The following CTNND2 variants were observed in gnomAD, a reference collection of about 807,000 sequenced individuals.
CTNND2 encodes catenin delta-2.
In CTNND2, 22 loss-of-function variants were observed where a neutral mutation model predicts 144.4. That is an observed-to-expected ratio of 0.15 (90% CI 0.11 to 0.22). The LOEUF is 0.22. CTNND2 is among the 10% of genes least tolerant of loss of function. CTNND2 has a pLI of 1.00. For synonymous variants in CTNND2, 751 were observed against 695.6 expected (o/e 1.08, Z -1.25); for missense variants, 1,353 against 1,618.8 (o/e 0.84, Z 2.82).
chr5:11,495,778 A>C (rs1769875353), intron 3 of CTNND2, among the ~76,000 whole-genome samples: 1 of 152,188 alleles, frequency 6.6e-6, no homozygotes, highest in South Asian at 2.1e-4. Context: ...TTTGCAACAG[A>C]AAATCACCGA....
intron 9 of CTNND2, among the ~76,000 whole-genome samples, chr5:11,310,191 G>A (rs997337956): frequency 6.6e-6 from 1 of 152,058 alleles, no homozygotes; most frequent in Non-Finnish European, 1.5e-5. Flanking sequence ...AGTGGCTAGG[G>A]AGAAATAAAT....
chr5:11,470,806 A>T (rs1374389235), intron 3 of CTNND2, among the ~76,000 whole-genome samples: 1 of 151,770 alleles, frequency 6.6e-6, no homozygotes, highest in East Asian at 1.9e-4. Context: ...TTTTCTCGTG[A>T]TCTCATGATT....
rs549029099 is a variant in CTNND2 at position 11,137,042 on chromosome 5, G to A, written c.2160-19475C>T. 3.3e-5 allele frequency among the ~76,000 whole-genome samples: 5 copies of A among 152,292 alleles called. No homozygotes were observed. The East Asian group carries it at 9.6e-4, about 29-fold the overall frequency. On this transcript the variant is annotated intron_variant, in intron 12 of 21. Coordinates refer to ENST00000304623, the MANE Select transcript of CTNND2 (RefSeq NM_001332.4). ...TGAAAATAGGGCCTGTGCCTTTCTT[G>A]TCACTCATATATCACCAGCAGCTAG...
intron 1 of CTNND2, among the ~76,000 whole-genome samples, chr5:11,794,604 T>C (rs1427507521): frequency 6.6e-6 from 1 of 152,238 alleles, no homozygotes; most frequent in Non-Finnish European, 1.5e-5. Context: ...GCATAACTTA[T>C]ACATCTTTGT....
chr5:11,017,572 A>G (rs1359291993), intron 18 of CTNND2, among the ~76,000 whole-genome samples: 1 of 142,880 alleles, frequency 7.0e-6, no homozygotes, highest in Non-Finnish European at 1.5e-5. Flanking sequence ...ACATATATAT[A>G]TATATCTTTC....
chr5:11,318,995 T>C (rs1354976671), intron 9 of CTNND2, among the ~76,000 whole-genome samples: 3 of 152,094 alleles, frequency 2.0e-5, no homozygotes, highest in East Asian at 1.9e-4. Context: ...AAGCATGCTG[T>C]ATATTTAACT....
chr5:11,098,622 C>T lies in CTNND2; in HGVS notation c.2590G>A (p.Glu864Lys), dbSNP rs200971466. The T allele has an allele frequency of 6.2e-7, 1 of 1,614,156 alleles. No individual in the cohort carries two copies. Among genetic ancestry groups the T allele is most frequent in the African/African-American group, 1.3e-5 (1 of 75,044 alleles). ...TTCTGCAGGGCGCCTGCCGCCCCTTCCAGCGTGTCTGGATTTGAGCACTCA... is the reference window on the plus strand; with the variant it reads ...TTCTGCAGGGCGCCTGCCGCCCCTTTCAGCGTGTCTGGATTTGAGCACTCA... Reference protein sequence around the residue: ...LSECSNPDTLEGAAGALQNLA... With the variant: ...LSECSNPDTLKGAAGALQNLA... The change falls in exon 15 of 22, where the codon GAA becomes AAA. Residue 864 changes from glutamate (E) to lysine (K), a missense_variant. Glu to Lys is a moderately conservative substitution (Grantham distance 56, BLOSUM62 1). Around this residue, in one of 4 missense-constraint regions of CTNND2, gnomAD observed 459 missense variants for 674.3 expected, o/e 0.68. Transcript: ENST00000304623.
intron 9 of CTNND2, among the ~76,000 whole-genome samples, chr5:11,240,220 A>C (rs112840195): frequency 4.4e-4 from 51 of 116,630 alleles, no homozygotes; most frequent in South Asian, 1.5e-3. Flanking sequence ...CAACACACAC[A>C]CCCAACACAC....
intron 3 of CTNND2, among the ~76,000 whole-genome samples, chr5:11,546,841 G>A (rs529622292): frequency 6.6e-6 from 1 of 152,148 alleles, no homozygotes; most frequent in Admixed American, 6.5e-5. Flanking sequence ...ATTGACACAA[G>A]GCAGATATGG....
chr5:11,895,578 G>A (rs1582083923), intron 1 of CTNND2, among the ~76,000 whole-genome samples: 2 of 152,112 alleles, frequency 1.3e-5, no homozygotes, highest in Admixed American at 6.5e-5. Flanking sequence ...TGGGACACAC[G>A]AAATCAGCAA....
chr5:11,138,610 G>A (rs1190657449), intron 12 of CTNND2, among the ~76,000 whole-genome samples: 2 of 152,172 alleles, frequency 1.3e-5, no homozygotes, highest in African/African-American at 4.8e-5. Flanking sequence ...ATACCTTGTC[G>A]GGTCTGTGAT....
chr5:10,993,906 G>A (rs1429880188), intron 18 of CTNND2, among the ~76,000 whole-genome samples: 3 of 151,598 alleles, frequency 2.0e-5, no homozygotes, highest in Non-Finnish European at 4.4e-5. Context: ...AGAGTTTTGA[G>A]CCCCTTAAAA....
At chr5:11,305,527 A>T (rs1750101624) in intron 9 of CTNND2, among the ~76,000 whole-genome samples, 2 of 151,972 alleles carry the variant, frequency 1.3e-5, no homozygotes, top group Non-Finnish European at 2.9e-5. Flanking sequence ...CATCCTATTG[A>T]ATTGTTTATG....
Position 11,578,490 on chromosome 5 carries a change from G to A in CTNND2, c.175-13434C>T, listed in dbSNP as rs1334989471. Among the ~76,000 whole-genome samples the A allele has an allele frequency of 6.6e-5, 10 of 151,934 alleles. No individual in the cohort carries two copies. The East Asian group carries it at 1.6e-3, about 24-fold the overall frequency. Reference sequence around the variant, plus strand: ...AGCCTGGTCAGCATGGTGAAACCCCGTCTCTACTAAAAATACAAAAATTAG... The same window carrying A: ...AGCCTGGTCAGCATGGTGAAACCCCATCTCTACTAAAAATACAAAAATTAG... On this transcript the variant is annotated intron_variant, in intron 2 of 21. Coordinates refer to ENST00000304623, the MANE Select transcript of CTNND2 (RefSeq NM_001332.4).
At chr5:11,288,848 G>T (rs1247252803) in intron 9 of CTNND2, among the ~76,000 whole-genome samples, 1 of 134,634 alleles carries the variant, frequency 7.4e-6, no homozygotes, top group Admixed American at 7.2e-5. Context: ...AAACCAAAAA[G>T]GAAAAAAAAA....
intron 3 of CTNND2, among the ~76,000 whole-genome samples, chr5:11,555,786 A>G (rs1247549330): frequency 6.6e-6 from 1 of 152,198 alleles, no homozygotes; most frequent in Non-Finnish European, 1.5e-5. Context: ...AGATTTTTGA[A>G]TTAGGAATAT....
chr5:11,783,490 C>A (rs995505519), intron 1 of CTNND2, among the ~76,000 whole-genome samples: 1 of 152,162 alleles, frequency 6.6e-6, no homozygotes, highest in African/African-American at 2.4e-5. Flanking sequence ...GCTTCCGCAT[C>A]GGGATTCCCT....
chr5:11,485,211 T>G (rs1216698949), intron 3 of CTNND2, among the ~76,000 whole-genome samples: 3 of 151,990 alleles, frequency 2.0e-5, no homozygotes, highest in Admixed American at 2.0e-4. Flanking sequence ...AAAAACAAAA[T>G]GTAGAATTGT....
intron 3 of CTNND2, among the ~76,000 whole-genome samples, chr5:11,467,132 G>A (rs377671995): frequency 6.6e-6 from 1 of 152,232 alleles, no homozygotes; most frequent in East Asian, 1.9e-4. Context: ...ACCATCATCT[G>A]TAAGAGATCC....
Sources: allele counts gnomAD v4.1 joint callset (sites outside exome capture counted in the v4.1 genomes callset), GRCh38; gene constraint gnomAD v4.1.1; regional missense constraint gnomAD v4.1.1; transcripts MANE v1.5; gene names NCBI Gene and HGNC (gene_info 2026-07-23, HGNC 2026-07-21).